PAK1: variants seen among roughly 807,000 people sequenced by gnomAD.
PAK1 encodes the protein p21 (RAC1) activated kinase 1, also known as serine/threonine-protein kinase PAK 1.
A neutral mutation model predicts 67.4 loss-of-function variants in PAK1; 29 were observed. That is an observed-to-expected ratio of 0.43 (90% CI 0.32 to 0.59). PAK1 has a LOEUF of 0.59. Among genes scored for constraint, PAK1 ranks in the 20% least tolerant of loss-of-function variants. The pLI, the probability that PAK1 is intolerant of heterozygous loss-of-function variation, is 0.07. For synonymous variants in PAK1, 223 were observed against 237.4 expected, an observed-to-expected ratio of 0.94 and a Z score of 0.56; for missense variants, 337 against 670.7, an observed-to-expected ratio of 0.50 and a Z score of 5.50.
upstream of PAK1, among the ~76,000 whole-genome samples, chr11:77,477,522 G>A (rs1284211411): frequency 1.5e-4 from 19 of 124,026 alleles, no homozygotes; most frequent in Non-Finnish European, 1.6e-5. Context: ...CTTGAGCCCA[G>A]TAGTTTGAGA....
chr11:77,379,073 T>C (rs1410913118), intron 4 of PAK1, 168 bp downstream of exon 4: 1 of 615,756 alleles, frequency 1.6e-6, no homozygotes, highest in Non-Finnish European at 2.9e-6. Flanking sequence ...TCAAGTTTGA[T>C]GCAAAGTCCA....
intron 1 of PAK1, among the ~76,000 whole-genome samples, chr11:77,411,176 TCTC>T (rs1317873800): frequency 6.6e-6 from 1 of 151,886 alleles, no homozygotes; most frequent in African/African-American, 2.4e-5. Flanking sequence ...CTTCCCAAGT[TCTC>T]CTCTCTTCTA....
chr11:77,500,564 G>T, the PAK1 span, among the ~76,000 whole-genome samples: 2 of 152,048 alleles, frequency 1.3e-5, no homozygotes, highest in Non-Finnish European at 2.9e-5. Context: ...TTTCCGTTCT[G>T]GCTGGGTTCA....
At chr11:77,361,058 T>TC (rs1946714224) in intron 5 of PAK1, among the ~76,000 whole-genome samples, 1 of 152,134 alleles carries the variant, frequency 6.6e-6, no homozygotes, top group Non-Finnish European at 1.5e-5. Flanking sequence ...CAGACTCCAT[T>TC]CTAGGCTCTG....
intron 1 of PAK1, among the ~76,000 whole-genome samples, chr11:77,442,358 C>T (rs766608305): frequency 1.3e-5 from 2 of 152,162 alleles, no homozygotes; most frequent in Admixed American, 1.3e-4. Context: ...ACATTAGACA[C>T]AGCAGCTTCT....
the PAK1 span, among the ~76,000 whole-genome samples, chr11:77,509,918 C>T: frequency 1.3e-5 from 2 of 152,290 alleles, no homozygotes; most frequent in African/African-American, 4.8e-5. Context: ...GTATAAGTTA[C>T]CCAGTCTCAG....
chr11:77,471,012 T>C (rs1007050508), intron 1 of PAK1, among the ~76,000 whole-genome samples: 2 of 152,240 alleles, frequency 1.3e-5, no homozygotes, highest in Non-Finnish European at 2.9e-5. Context: ...GAACGGTTCT[T>C]GAGTAAAACC....
At chr11:77,355,566 G>C (rs2136508052) in intron 7 of PAK1, 102 bp downstream of exon 7, 2 of 919,606 alleles carry the variant, frequency 2.2e-6, no homozygotes, top group East Asian at 4.8e-5. Flanking sequence ...AAGGTACCAA[G>C]CATGGCCAGC....
chr11:77,410,239 T>G (rs1418946570), intron 1 of PAK1, among the ~76,000 whole-genome samples: 1 of 152,120 alleles, frequency 6.6e-6, no homozygotes, highest in African/African-American at 2.4e-5. Flanking sequence ...CAGCACTACT[T>G]GACATTCTTG....
intron 1 of PAK1, among the ~76,000 whole-genome samples, chr11:77,414,347 A>G (rs1954833291): frequency 6.6e-6 from 1 of 152,248 alleles, no homozygotes; most frequent in East Asian, 1.9e-4. Context: ...GGTGGCTTTT[A>G]ATTCTCCCTG....
chr11:77,487,605 GT>G, the PAK1 span, among the ~76,000 whole-genome samples: 1 of 152,036 alleles, frequency 6.6e-6, no homozygotes, highest in Non-Finnish European at 1.5e-5. Flanking sequence ...TTCACCACAA[GT>G]TGACTGAAGA....
chr11:77,340,999 G>A (rs1382541690), intron 10 of PAK1, among the ~76,000 whole-genome samples: 1 of 152,090 alleles, frequency 6.6e-6, no homozygotes, highest in Non-Finnish European at 1.5e-5. Context: ...AGCCCCAAAG[G>A]GCAGAACTAA....
intron 6 of PAK1, chr11:77,356,062 A>T (rs1275684145): frequency 2.3e-6 from 1 of 436,856 alleles, no homozygotes; most frequent in Non-Finnish European, 4.1e-6. Flanking sequence ...TGAGAGTCTC[A>T]GCACTAAAGA....
chr11:77,429,266 T>C (rs1955747964), intron 1 of PAK1, among the ~76,000 whole-genome samples: 1 of 151,856 alleles, frequency 6.6e-6, no homozygotes, highest in Admixed American at 6.6e-5. Context: ...CCAAAGAGAA[T>C]TTGAGCACCA....
At chr11:77,489,981 C>T in the PAK1 span, among the ~76,000 whole-genome samples, 12,789 of 150,858 alleles carry the variant, frequency 0.085, 1,144 homozygotes, top group African/African-American at 0.2. Context: ...TCTGCCCGGC[C>T]GCCATCCCAT....
chr11:77,504,870 A>G, the PAK1 span, among the ~76,000 whole-genome samples: 2 of 152,230 alleles, frequency 1.3e-5, no homozygotes, highest in African/African-American at 4.8e-5. Flanking sequence ...CAAGTATTCT[A>G]CAGACATTAC....
chr11:77,503,817 A>G, the PAK1 span, among the ~76,000 whole-genome samples: 1 of 152,172 alleles, frequency 6.6e-6, no homozygotes, highest in Non-Finnish European at 1.5e-5. Context: ...GCACCACTCA[A>G]CTCCAGTCTA....
rs1957992448 is a variant in PAK1 at position 77,473,814 on chromosome 11, T to C, written c.-284A>G. On this transcript the variant is annotated 5_prime_UTR_variant, in exon 1 of 15. Coordinates refer to ENST00000356341, the MANE Select transcript of PAK1 (RefSeq NM_002576.5). ...AGGGGCGAGGTGCGAAGGGCTCAGA[T>C]GGCCTCTGAGGCAGGAGGTGGTAAC... The C allele has an allele frequency of 2.0e-5, 3 of 150,776 alleles. No homozygotes were observed. The highest frequency in any genetic ancestry group is 4.9e-5 in the African/African-American group (2 of 40,738). The allele number at this position is 150,776 out of a possible 1,614,324, so 9.3% of individuals were successfully genotyped here. A position where few individuals can be genotyped will look rare whatever the true frequency, so the allele number is the denominator to read the frequency against.
the PAK1 span, among the ~76,000 whole-genome samples, chr11:77,526,571 T>TA: frequency 1.3e-5 from 2 of 152,204 alleles, no homozygotes; most frequent in Non-Finnish European, 2.9e-5. Flanking sequence ...TCATTTTTGT[T>TA]AAAAAACACC....
Sources: gnomAD v4.1 joint callset for allele counts (sites outside exome capture counted in the v4.1 genomes callset) on GRCh38, gnomAD v4.1.1 for gene constraint, MANE v1.5 for transcripts, NCBI Gene and HGNC (gene_info 2026-07-23, HGNC 2026-07-21) for gene names.